CFHR3: variants seen among roughly 807,000 people sequenced by gnomAD.
CFHR3 encodes the protein complement factor H-related protein 3.
Under a neutral mutation model 36.0 loss-of-function variants are expected in CFHR3, and 22 were observed. The ratio of observed to expected loss-of-function variants is 0.61; its 90% confidence interval spans 0.44 to 0.87. The LOEUF (loss-of-function observed/expected upper bound fraction) is 0.87. CFHR3 is among the 40% of genes least tolerant of loss of function. The pLI is 0.00. For missense variants in CFHR3, 276 were observed against 401.3 expected (o/e 0.69, Z 2.67); for synonymous variants, 97 against 137.4 (o/e 0.71, Z 2.06).
At chr1:196,785,807 A>G (rs1297013159) in intron 3 of CFHR3, among the ~76,000 whole-genome samples, 1 of 137,082 alleles carries the variant, frequency 7.3e-6, no homozygotes, top group Non-Finnish European at 1.5e-5. Flanking sequence ...TCAACTCGTC[A>G]AAGTCATTCT....
intron 4 of CFHR3, chr1:196,789,558 T>G: frequency 9.4e-7 from 1 of 1,062,826 alleles, no homozygotes; most frequent in Non-Finnish European, 1.2e-6. Context: ...ATCTAATATA[T>G]ACACCCTTAC....
At chr1:196,782,901 C>A (rs979522261) in intron 3 of CFHR3, among the ~76,000 whole-genome samples, 1 of 137,004 alleles carries the variant, frequency 7.3e-6, no homozygotes, top group East Asian at 2.0e-4. Context: ...AGGAATGCTT[C>A]CAGTTTTTGC....
In CFHR3 at chr1:196,793,088, G is replaced by T. The variant is rs970494917; in HGVS notation, c.797-229G>T. 2.2e-5 allele frequency among the ~76,000 whole-genome samples: 3 copies of T among 134,934 alleles called. 1 individual carries two copies. The highest frequency in any genetic ancestry group is 9.5e-5 in the African/African-American group (3 of 31,708). 88.5% of individuals were successfully genotyped at this position (134,934 alleles called of 152,430 possible). A position where few individuals can be genotyped will look rare whatever the true frequency, so the allele number is the denominator to read the frequency against. ...CAGGCTCTAGAGAAAGACTGCCAGG[G>T]TTCACGTTTATCACCTCACCTGATG... is the stretch of plus-strand genomic sequence containing the variant. On this transcript the variant is annotated intron_variant, in intron 5 of 5. Coordinates refer to ENST00000367425, the MANE Select transcript of CFHR3 (RefSeq NM_021023.6).
In CFHR3 at chr1:196,774,951, T is replaced by C. The variant is rs1254095906; in HGVS notation, c.58+7T>C. The C allele has an allele frequency of 1.3e-6, 2 of 1,521,902 alleles. No homozygotes were observed. The highest frequency in any genetic ancestry group is 1.8e-6 in the Non-Finnish European group (2 of 1,123,808). 94.3% of individuals were successfully genotyped at this position (1,521,902 alleles called of 1,614,324 possible). On this transcript the variant is annotated splice_region_variant and intron_variant, in intron 1 of 5. Coordinates refer to ENST00000367425, the MANE Select transcript of CFHR3 (RefSeq NM_021023.6). ...TCCTGTGCTAATGGACAAGGTAAGT[T>C]AAAAGAGATCTAAACACTCAGCTTC...
intron 1 of CFHR3, among the ~76,000 whole-genome samples, chr1:196,775,592 C>T (rs1653679071): frequency 7.3e-6 from 1 of 136,850 alleles, no homozygotes; most frequent in African/African-American, 3.0e-5. Flanking sequence ...AGTAAATATA[C>T]AGAAAATACT....
chr1:196,778,846 C>A (rs557073573), intron 1 of CFHR3, among the ~76,000 whole-genome samples: 1 of 136,842 alleles, frequency 7.3e-6, no homozygotes, highest in Admixed American at 7.1e-5. Flanking sequence ...GTTGATAAAA[C>A]CTCCAGAATT....
At chr1:196,792,797 GTATA>G (rs1654464965) in intron 5 of CFHR3, among the ~76,000 whole-genome samples, 1 of 130,996 alleles carries the variant, frequency 7.6e-6, no homozygotes, top group Non-Finnish European at 1.6e-5. Context: ...ATGTATGTAT[GTATA>G]TATAGTTTCA....
At chr1:196,787,461 A>G (rs1255660812) in intron 3 of CFHR3, among the ~76,000 whole-genome samples, 1 of 137,098 alleles carries the variant, frequency 7.3e-6, no homozygotes, top group Non-Finnish European at 1.5e-5. Context: ...CAGATAGTAA[A>G]ATTGGTCCAT....
Position 196,778,572 on chromosome 1 carries a change from TTA to T in CFHR3, c.59-588_59-587del, listed in dbSNP as rs1157200769. On this transcript the variant is annotated intron_variant, in intron 1 of 5. Transcript: ENST00000367425. ...AACATTCGTGTATGCACCTATTTTT[TTA>T]TGTCAATAATATATCTCATCCGATA... Among the ~76,000 whole-genome samples the T allele has an allele frequency of 7.2e-4, 98 of 136,492 alleles. 16 individuals are homozygous for T. The highest frequency in any genetic ancestry group is 2.8e-3 in the African/African-American group (92 of 32,740). The allele number at this position is 136,492 out of a possible 152,430, so 89.5% of individuals were successfully genotyped here.
chr1:196,787,801 G>A (rs1654267788), intron 3 of CFHR3, among the ~76,000 whole-genome samples: 1 of 136,942 alleles, frequency 7.3e-6, no homozygotes, highest in African/African-American at 3.1e-5. Context: ...GCCTATGGTA[G>A]CAGGGTGTAC....
rs1189940235 is a variant in CFHR3, at chr1:196,786,653, G to C, written c.431-1563G>C. Among the ~76,000 whole-genome samples, 2 of 136,616 alleles carry C rather than the reference G, an allele frequency of 1.5e-5. 1 individual carries two copies. The highest frequency in any genetic ancestry group is 6.1e-5 in the African/African-American group (2 of 32,672). 89.6% of individuals were successfully genotyped at this position (136,616 alleles called of 152,430 possible). A position where few individuals can be genotyped will look rare whatever the true frequency, so the allele number is the denominator to read the frequency against. Reference sequence around the variant, plus strand: ...CTGGTGTGCCGTTTTTTAAGCCCGTGGGAAAAGCGCAGTATTAGGGTGGGA... The same window carrying C: ...CTGGTGTGCCGTTTTTTAAGCCCGTCGGAAAAGCGCAGTATTAGGGTGGGA... On this transcript the variant is annotated intron_variant, in intron 3 of 5. Transcript: ENST00000367425.
intron 3 of CFHR3, among the ~76,000 whole-genome samples, chr1:196,785,342 T>C (rs1210268622): frequency 3.0e-5 from 4 of 134,174 alleles, no homozygotes; most frequent in Non-Finnish European, 6.2e-5. Flanking sequence ...TGAATCTGAA[T>C]GTTGGCCTGC....
Position 196,793,761 on chromosome 1 carries a change from G to T in CFHR3, c.*248G>T. The T allele has an allele frequency of 2.9e-6, 1 of 347,064 alleles. No homozygotes were observed. Among genetic ancestry groups the T allele is most frequent in the Non-Finnish European group, 5.1e-6 (1 of 194,228 alleles). 21.5% of individuals were successfully genotyped at this position (347,064 alleles called of 1,614,324 possible). A position where few individuals can be genotyped will look rare whatever the true frequency, so the allele number is the denominator to read the frequency against. ...CTCTTATATTGGACTTCTTATCAAT[G>T]AATTAGTAAGTATAGAGACAGACAG... On this transcript the variant is annotated 3_prime_UTR_variant, in exon 6 of 6. Coordinates refer to ENST00000367425, the MANE Select transcript of CFHR3 (RefSeq NM_021023.6).
In CFHR3 at chr1:196,786,289, C is replaced by G. The variant is rs1258862442; in HGVS notation, c.431-1927C>G. On this transcript the variant is annotated intron_variant, in intron 3 of 5. Transcript: ENST00000367425. ...CTTGAGGAGGCAGTCTGCCCGTTCT[C>G]AGATCTCCAGCTGCGTGCTGGGAGA... Among the ~76,000 whole-genome samples, 3 of 135,392 alleles carry G rather than the reference C, an allele frequency of 2.2e-5. 1 individual carries two copies. The highest frequency in any genetic ancestry group is 4.7e-5 in the Non-Finnish European group (3 of 64,184). 88.8% of individuals were successfully genotyped at this position (135,392 alleles called of 152,430 possible). A position where few individuals can be genotyped will look rare whatever the true frequency, so the allele number is the denominator to read the frequency against.
At chr1:196,786,612 TGA>T (rs1654214437) in intron 3 of CFHR3, among the ~76,000 whole-genome samples, 1 of 136,062 alleles carries the variant, frequency 7.3e-6, no homozygotes, top group Non-Finnish European at 1.6e-5. Context: ...CTGAGCCAGG[TGA>T]GCGATATAAT....
rs767238897 is a variant in CFHR3 at position 196,794,757 on chromosome 1, C to A, written c.*1244C>A. 14 of 279,048 alleles carry A rather than the reference C, an allele frequency of 5.0e-5. 3 individuals carry two copies. Among genetic ancestry groups the A allele is most frequent in the Non-Finnish European group, 9.0e-5 (13 of 144,266 alleles). 17.3% of individuals were successfully genotyped at this position (279,048 alleles called of 1,614,324 possible). A position where few individuals can be genotyped will look rare whatever the true frequency, so the allele number is the denominator to read the frequency against. On this transcript the variant is annotated 3_prime_UTR_variant, in exon 6 of 6. Coordinates refer to ENST00000367425, the MANE Select transcript of CFHR3 (RefSeq NM_021023.6). ...TCTATTCACTTTAATAGATTTTTAC[C>A]CCCAGTTAGCATATGGTTAGTGAGA...
chr1:196,788,866 T>A, intron 4 of CFHR3: 1 of 1,440,170 alleles, frequency 6.9e-7, no homozygotes, highest in African/African-American at 1.7e-5. Flanking sequence ...TTTGTATCAA[T>A]GATGCTACTG....
intron 1 of CFHR3, among the ~76,000 whole-genome samples, chr1:196,777,501 A>C (rs948081589): frequency 2.2e-5 from 3 of 136,344 alleles, no homozygotes; most frequent in Admixed American, 2.1e-4. Flanking sequence ...GCTTCTGTGT[A>C]TATTTCACGT....
At position 196,779,136 on chromosome 1, in the gene CFHR3, CTT is replaced by C; in HGVS notation, c.59-21_59-20del. On this transcript the variant is annotated intron_variant, in intron 1 of 5. Transcript: ENST00000367425. The stretch of plus-strand genomic sequence containing the variant: ...TTTATTACAGTAAAAATTATTTATA[CTT>C]TTTTGTTTGTTTTTTATTGCAAGTG... 13 of 1,438,144 alleles carry C rather than the reference CTT, an allele frequency of 9.0e-6. 3 individuals carry two copies. The highest frequency in any genetic ancestry group is 1.2e-5 in the Non-Finnish European group (13 of 1,052,934). The allele number at this position is 1,438,144 out of a possible 1,614,324, so 89.1% of individuals were successfully genotyped here.
Sources: allele counts gnomAD v4.1 joint callset (sites outside exome capture counted in the v4.1 genomes callset), GRCh38; gene constraint gnomAD v4.1.1; transcripts MANE v1.5; gene names NCBI Gene and HGNC (gene_info 2026-07-23, HGNC 2026-07-21).